PLEKHA5: variants seen among roughly 807,000 people sequenced by gnomAD.
The protein encoded by PLEKHA5 is pleckstrin homology domain-containing family A member 5.
A neutral mutation model predicts 181.9 loss-of-function variants in PLEKHA5; 55 were observed. The observed-to-expected ratio is 0.30, with a 90% CI of 0.24 to 0.38. PLEKHA5 has a LOEUF of 0.38. PLEKHA5 is among the 10% of genes least tolerant of loss of function. PLEKHA5 has a pLI of 1.00. For missense variants in PLEKHA5, 1,432 were observed against 1,549.5 expected (o/e 0.92, Z 1.27); for synonymous variants, 535 against 529.4 (o/e 1.01, Z -0.15).
At chr12:19,212,990 C>T (rs553575138) in intron 3 of PLEKHA5, among the ~76,000 whole-genome samples, 2 of 151,994 alleles carry the variant, frequency 1.3e-5, no homozygotes, top group Admixed American at 6.6e-5. Flanking sequence ...TCCAAGAATT[C>T]AGACAACTCC....
At chr12:19,273,185 A>G (rs944825697) in intron 10 of PLEKHA5, among the ~76,000 whole-genome samples, 17 of 152,268 alleles carry the variant, frequency 1.1e-4, no homozygotes, top group South Asian at 2.1e-4. Flanking sequence ...CTGGGATTAC[A>G]GGCATCAGTG....
At chr12:19,217,901 A>G (rs370989909) in intron 3 of PLEKHA5, among the ~76,000 whole-genome samples, 2 of 152,184 alleles carry the variant, frequency 1.3e-5, no homozygotes, top group East Asian at 1.9e-4. Context: ...GAATAGTTAA[A>G]TGGATTACAT....
intron 3 of PLEKHA5, among the ~76,000 whole-genome samples, chr12:19,140,079 A>G (rs139525382): frequency 2.6e-5 from 4 of 152,326 alleles, no homozygotes; most frequent in African/African-American, 9.6e-5. Flanking sequence ...TCTTGAATAC[A>G]TTTTGAACTC....
At chr12:19,273,407 A>G (rs1369569659) in intron 10 of PLEKHA5, among the ~76,000 whole-genome samples, 1 of 151,746 alleles carries the variant, frequency 6.6e-6, no homozygotes, top group Admixed American at 6.6e-5. Flanking sequence ...AAGCTTCTAG[A>G]TATCTTCATC....
At chr12:19,362,398 G>C (rs1406491553) in intron 29 of PLEKHA5, among the ~76,000 whole-genome samples, 2 of 151,892 alleles carry the variant, frequency 1.3e-5, no homozygotes, top group African/African-American at 4.8e-5. Context: ...GCCAGACATG[G>C]TGGTGCATGT....
intron 3 of PLEKHA5, among the ~76,000 whole-genome samples, chr12:19,215,988 GA>G (rs1459285728): frequency 6.6e-6 from 1 of 152,098 alleles, no homozygotes; most frequent in East Asian, 1.9e-4. Context: ...GATAAGTTTA[GA>G]AGTAAAGAAA....
chr12:19,313,487 A>G (rs1301735252), intron 15 of PLEKHA5, among the ~76,000 whole-genome samples: 1 of 152,170 alleles, frequency 6.6e-6, no homozygotes, highest in Non-Finnish European at 1.5e-5. Context: ...ACATGAGGGA[A>G]CTACCTGGGT....
intron 3 of PLEKHA5, among the ~76,000 whole-genome samples, chr12:19,145,559 T>C (rs2038710640): frequency 6.6e-6 from 1 of 152,148 alleles, no homozygotes; most frequent in Non-Finnish European, 1.5e-5. Context: ...ATTTAATAAA[T>C]ATCTTAGGTC....
At chr12:19,324,405 C>A (rs980501569) in intron 20 of PLEKHA5, among the ~76,000 whole-genome samples, 1 of 152,064 alleles carries the variant, frequency 6.6e-6, no homozygotes, top group East Asian at 1.9e-4. Context: ...AATATCCTTT[C>A]CATTGTGAGT....
At chr12:19,254,147 A>G (rs918096237) in intron 4 of PLEKHA5, 124 bp downstream of exon 4, 5 of 676,986 alleles carry the variant, frequency 7.4e-6, no homozygotes, top group Non-Finnish European at 1.3e-5. Flanking sequence ...TAATAACAGA[A>G]TGCCAGCTGT....
chr12:19,234,300 T>C (rs2061075914), intron 3 of PLEKHA5, among the ~76,000 whole-genome samples: 1 of 152,204 alleles, frequency 6.6e-6, no homozygotes, highest in Non-Finnish European at 1.5e-5. Flanking sequence ...TATAATGATC[T>C]GTTTACAGCT....
intron 3 of PLEKHA5, among the ~76,000 whole-genome samples, chr12:19,198,998 A>T (rs948252728): frequency 2.6e-5 from 4 of 152,160 alleles, no homozygotes; most frequent in African/African-American, 9.7e-5. Context: ...TCTATAGCAA[A>T]AGACAGCTTG....
At chr12:19,340,434 C>CCCT (rs1555167432) in intron 21 of PLEKHA5, among the ~76,000 whole-genome samples, 2,364 of 123,910 alleles carry the variant, frequency 0.019, 4 homozygotes, top group Middle Eastern at 0.035. Context: ...GCCCGGCCAC[C>CCCT]ACCCCGTCTG....
chr12:19,185,556 C>T (rs1476558539), intron 3 of PLEKHA5, among the ~76,000 whole-genome samples: 1 of 152,146 alleles, frequency 6.6e-6, no homozygotes, highest in Non-Finnish European at 1.5e-5. Context: ...TAGATACACA[C>T]TTTATCATAT....
At chr12:19,324,173 G>T (rs1165436907) in intron 20 of PLEKHA5, among the ~76,000 whole-genome samples, 1 of 152,162 alleles carries the variant, frequency 6.6e-6, no homozygotes, top group Non-Finnish European at 1.5e-5. Context: ...TTCCAGGCTG[G>T]CAAGATCCCA....
chr12:19,372,402 T>G (rs565512086), intron 31 of PLEKHA5: 18 of 146,506 alleles, frequency 1.2e-4, no homozygotes, highest in South Asian at 4.3e-4. Flanking sequence ...TTTGTTTTTG[T>G]TTTTTTTTTC....
At position 19,164,205 on chromosome 12, in the gene PLEKHA5, T is replaced by G. The variant is rs866022753; in HGVS notation, c.227+31755T>G. ...GCTCTCCAGATGTTTTTGTTTTTTT[T>G]TTTTTTTTTTTGAGATGGAGTCTCT... On this transcript the variant is annotated intron_variant, in intron 3 of 31. Transcript: ENST00000429027. Among the ~76,000 whole-genome samples the G allele has an allele frequency of 2.1e-3, 308 of 146,956 alleles. 1 individual carries two copies. The highest frequency in any genetic ancestry group is 7.3e-3 in the African/African-American group (293 of 39,984).
intron 3 of PLEKHA5, among the ~76,000 whole-genome samples, chr12:19,162,652 C>A (rs1312107279): frequency 6.6e-6 from 1 of 151,528 alleles, no homozygotes; most frequent in Non-Finnish European, 1.5e-5. Context: ...TAATGAACTT[C>A]AGCAACTTTA....
At chr12:19,160,486 A>C (rs368757213) in intron 3 of PLEKHA5, among the ~76,000 whole-genome samples, 1 of 152,152 alleles carries the variant, frequency 6.6e-6, no homozygotes, top group Non-Finnish European at 1.5e-5. Flanking sequence ...GAAACGTAGA[A>C]TATCACACCA....
Sources: gnomAD v4.1 joint callset for allele counts (sites outside exome capture counted in the v4.1 genomes callset) on GRCh38, gnomAD v4.1.1 for gene constraint, MANE v1.5 for transcripts, NCBI Gene and HGNC (gene_info 2026-07-23, HGNC 2026-07-21) for gene names.